ARHGAP22: variants seen among roughly 807,000 people sequenced by gnomAD.
ARHGAP22 encodes the protein rho GTPase-activating protein 22.
In ARHGAP22, 48 loss-of-function variants were observed where a neutral mutation model predicts 59.1. The observed-to-expected ratio is 0.81, with a 90% confidence interval of 0.64 to 1.03. The LOEUF (loss-of-function observed/expected upper bound fraction) is 1.03, where lower values mean the gene tolerates loss of function less well. Ranked by LOEUF, ARHGAP22 falls within the 50% of genes least tolerant of loss-of-function variation. ARHGAP22 has a pLI of 0.00. For missense variants in ARHGAP22, 1,015 were observed against 958.7 expected (o/e 1.06, Z -0.78); for synonymous variants, 445 against 416.4 (o/e 1.07, Z -0.84).
intron 1 of ARHGAP22, among the ~76,000 whole-genome samples, chr10:48,642,785 G>A (rs1479608810): frequency 2.0e-4 from 30 of 152,142 alleles, no homozygotes; most frequent in African/African-American, 4.6e-4. Context: ...AGAAACTACC[G>A]TCAGAATGAA....
chr10:48,572,561 A>C (rs1165530112), intron 2 of ARHGAP22, among the ~76,000 whole-genome samples: 1 of 152,178 alleles, frequency 6.6e-6, no homozygotes, highest in African/African-American at 2.4e-5. Flanking sequence ...CTCCAGAGTG[A>C]ATATGAGTCA....
At chr10:48,655,251 GT>G (rs2062766054), upstream of ARHGAP22, among the ~76,000 whole-genome samples, 1 of 11,464 alleles carries the variant, frequency 8.7e-5, no homozygotes, top group African/African-American at 2.6e-4. Context: ...ATGTGTGTGT[GT>G]GTGTGGGGGG....
At chr10:48,497,410 A>G (rs2051050715) in intron 3 of ARHGAP22, among the ~76,000 whole-genome samples, 1 of 152,144 alleles carries the variant, frequency 6.6e-6, no homozygotes, top group South Asian at 2.1e-4. Flanking sequence ...GAGGCTGATG[A>G]CTCACTTCTA....
At chr10:48,592,638 A>G (rs998957851) in intron 1 of ARHGAP22, among the ~76,000 whole-genome samples, 2 of 151,994 alleles carry the variant, frequency 1.3e-5, no homozygotes, top group African/African-American at 4.8e-5. Flanking sequence ...TCTCTGCCTC[A>G]TGGGTTTGGA....
chr10:48,626,483 T>C (rs2061453314), intron 1 of ARHGAP22, among the ~76,000 whole-genome samples: 1 of 152,342 alleles, frequency 6.6e-6, no homozygotes, highest in Middle Eastern at 3.4e-3. Flanking sequence ...TACATTGATA[T>C]TTGTTAAGCA....
chr10:48,651,532 A>T (rs1433704131), intron 1 of ARHGAP22, among the ~76,000 whole-genome samples: 1 of 150,822 alleles, frequency 6.6e-6, no homozygotes, highest in Non-Finnish European at 1.5e-5. Context: ...CATCACCTGC[A>T]TAGTCTACCC....
At chr10:48,541,351 C>T (rs973694974) in intron 3 of ARHGAP22, among the ~76,000 whole-genome samples, 1 of 152,204 alleles carries the variant, frequency 6.6e-6, no homozygotes, top group African/African-American at 2.4e-5. Context: ...CTTTGTTCTG[C>T]GCTGGCACAA....
chr10:48,456,966 C>T (rs973623909), intron 5 of ARHGAP22, among the ~76,000 whole-genome samples: 17 of 152,268 alleles, frequency 1.1e-4, no homozygotes, highest in African/African-American at 3.6e-4. Context: ...GTCCTGTGGG[C>T]GCCTCCCCAG....
At chr10:48,636,631 G>A (rs186945200) in intron 1 of ARHGAP22, among the ~76,000 whole-genome samples, 127 of 152,290 alleles carry the variant, frequency 8.3e-4, no homozygotes, top group South Asian at 6.2e-4. Context: ...ATCTTTACAC[G>A]TGTTATGTGT....
intron 3 of ARHGAP22, among the ~76,000 whole-genome samples, chr10:48,520,590 G>T (rs1432592078): frequency 6.6e-6 from 1 of 152,208 alleles, no homozygotes; most frequent in East Asian, 1.9e-4. Context: ...AGGGCTTATG[G>T]AGCATAGACA....
intron 2 of ARHGAP22, among the ~76,000 whole-genome samples, chr10:48,580,528 G>A (rs1386436528): frequency 3.3e-5 from 5 of 152,166 alleles, no homozygotes; most frequent in Non-Finnish European, 5.9e-5. Flanking sequence ...GCAGTGCTGT[G>A]GGCTGGTACA....
intron 4 of ARHGAP22, among the ~76,000 whole-genome samples, chr10:48,472,977 G>C (rs867735824): frequency 2.0e-5 from 3 of 152,190 alleles, no homozygotes; most frequent in African/African-American, 7.2e-5. Flanking sequence ...ATATGATCTA[G>C]CAATCCCACT....
chr10:48,446,009 A>G, downstream of ARHGAP22: 2 of 276,676 alleles, frequency 7.2e-6, no homozygotes, highest in Non-Finnish European at 1.4e-5. Context: ...GCGAGGCATG[A>G]AAAATGAGCC....
intron 1 of ARHGAP22, among the ~76,000 whole-genome samples, chr10:48,638,996 A>G (rs910766685): frequency 6.6e-6 from 1 of 152,264 alleles, no homozygotes; most frequent in African/African-American, 2.4e-5. Context: ...GACCAAAGAC[A>G]TGCAACAATC....
intron 2 of ARHGAP22, among the ~76,000 whole-genome samples, chr10:48,579,709 CA>C (rs547447908): frequency 5.1e-4 from 77 of 152,310 alleles, no homozygotes; most frequent in African/African-American, 1.8e-3. Context: ...AAGCATCAAA[CA>C]TGGCTGGATA....
chr10:48,604,999 T>C lies in ARHGAP22; in HGVS notation c.-203A>G. The C allele has an allele frequency of 6.9e-7, 1 of 1,447,964 alleles. No homozygotes were observed. Among genetic ancestry groups the C allele is most frequent in the Non-Finnish European group, 9.0e-7 (1 of 1,105,082 alleles). The allele number at this position is 1,447,964 out of a possible 1,614,324, so 89.7% of individuals were successfully genotyped here. On this transcript the variant is annotated 5_prime_UTR_variant, in exon 1 of 10. In the 5' UTR this introduces an upstream ATG that the reference lacks. Coordinates refer to ENST00000249601, the MANE Select transcript of ARHGAP22 (RefSeq NM_021226.4). ...TTGGACTACATAAACCTCGATGCAT[T>C]ATTTATCCATCCCAGAATTAATTCC...
At chr10:48,552,275 C>CTG (rs1418096956) in intron 3 of ARHGAP22, among the ~76,000 whole-genome samples, 1 of 152,272 alleles carries the variant, frequency 6.6e-6, no homozygotes, top group African/African-American at 2.4e-5. Flanking sequence ...CAGGCCAGCA[C>CTG]AGGCATAGCC....
intron 3 of ARHGAP22, among the ~76,000 whole-genome samples, chr10:48,528,485 C>G (rs1208102029): frequency 6.6e-6 from 1 of 152,092 alleles, no homozygotes; most frequent in Non-Finnish European, 1.5e-5. Flanking sequence ...CTGTAGGGGA[C>G]AGAAAGCCAG....
At chr10:48,501,930 G>A (rs1188588946) in intron 3 of ARHGAP22, among the ~76,000 whole-genome samples, 1 of 152,210 alleles carries the variant, frequency 6.6e-6, no homozygotes, top group Admixed American at 6.5e-5. Flanking sequence ...AGGAGCAGGG[G>A]AGGAGCAGCT....
Sources: allele counts gnomAD v4.1 joint callset (sites outside exome capture counted in the v4.1 genomes callset), GRCh38; gene constraint gnomAD v4.1.1; transcripts MANE v1.5; gene names NCBI Gene and HGNC (gene_info 2026-07-23, HGNC 2026-07-21).